POLDIP3: variants seen among roughly 807,000 people sequenced by gnomAD.
POLDIP3 encodes DNA polymerase delta interacting protein 3, also known as polymerase delta-interacting protein 3.
In POLDIP3, 14 loss-of-function variants were observed where a neutral mutation model predicts 45.1. That is an observed-to-expected ratio of 0.31 (90% confidence interval 0.20 to 0.49). POLDIP3 has a LOEUF of 0.49. Among genes scored for constraint, POLDIP3 ranks in the 20% least tolerant of loss-of-function variants. POLDIP3 has a pLI of 0.99. For synonymous variants in POLDIP3, 223 were observed against 205.2 expected, an observed-to-expected ratio of 1.09 and a Z score of -0.74; for missense variants, 511 against 538.8, an observed-to-expected ratio of 0.95 and a Z score of 0.51.
chr22:42,596,283 G>T lies in POLDIP3; in HGVS notation c.716C>A (p.Pro239His), dbSNP rs775266432. The T allele has an allele frequency of 2.5e-6, 4 of 1,614,142 alleles. No individual in the cohort carries two copies. The highest frequency in any genetic ancestry group is 1.3e-5 in the African/African-American group (1 of 75,042). ...KVVQNDAYTA[P>H]ALPSSIRTKA... is the part of the protein sequence containing the mutation. ...TGTTCGAATAGAGGAAGGGAGAGCA[G>T]GAGCTGTGTATGCATCATTCTGAAC... Residue 239 changes from proline to histidine, a missense_variant, in exon 5 of 9, where the codon CCT becomes CAT. Physicochemically the swap from Pro to His is moderately conservative, Grantham distance 77. Coordinates refer to ENST00000252115, the MANE Select transcript of POLDIP3 (RefSeq NM_032311.5).
rs779086008 is a variant in POLDIP3, at chr22:42,614,852, C to T, written c.6G>A (p.Ala2=). The T allele has an allele frequency of 6.2e-7, 1 of 1,613,990 alleles. No individual in the cohort carries two copies. The highest frequency in any genetic ancestry group is 8.5e-7 in the Non-Finnish European group (1 of 1,179,958). The change falls in exon 1 of 9, where the codon GCG becomes GCA. Residue 2 remains alanine (A), a synonymous_variant. Coordinates refer to ENST00000252115, the MANE Select transcript of POLDIP3 (RefSeq NM_032311.5). M[A]DISLDELIRK... ...TGATGAGTTCGTCCAGGGAGATGTC[C>T]GCCATCTTGCTCCGCCGAGCAAGCC...
chr22:42,594,833 A>G (rs911968584), intron 6 of POLDIP3, among the ~76,000 whole-genome samples: 1 of 152,188 alleles, frequency 6.6e-6, no homozygotes, highest in African/African-American at 2.4e-5. Context: ...TCACTTTGGA[A>G]TCATCTTGTA....
At chr22:42,610,957 G>T (rs146104399) in intron 1 of POLDIP3, among the ~76,000 whole-genome samples, 1 of 152,250 alleles carries the variant, frequency 6.6e-6, no homozygotes, top group East Asian at 1.9e-4. Context: ...ACTGCAACTG[G>T]TACCTAATGC....
intron 1 of POLDIP3, 126 bp downstream of exon 1, chr22:42,614,673 G>A (rs1245873712): frequency 1.0e-5 from 11 of 1,055,044 alleles, no homozygotes; most frequent in African/African-American, 1.7e-5. Context: ...GGCCAATGAG[G>A]AGCGCGGCTG....
intron 7 of POLDIP3, among the ~76,000 whole-genome samples, chr22:42,591,091 AT>A (rs1163544713): frequency 6.6e-5 from 10 of 150,672 alleles, no homozygotes; most frequent in South Asian, 2.1e-4. Flanking sequence ...AAATAAAAAA[AT>A]AATAAAAAAT....
At chr22:42,598,588 G>C (rs1375593335) in intron 4 of POLDIP3, among the ~76,000 whole-genome samples, 1 of 152,026 alleles carries the variant, frequency 6.6e-6, no homozygotes, top group Admixed American at 6.6e-5. Flanking sequence ...GTTTCACCGT[G>C]CTAGCCAGGA....
At chr22:42,595,114 G>T (rs751330820) in intron 6 of POLDIP3, among the ~76,000 whole-genome samples, 1 of 152,196 alleles carries the variant, frequency 6.6e-6, no homozygotes, top group Non-Finnish European at 1.5e-5. Flanking sequence ...ACTGTGCCTG[G>T]ACTGTGCAAA....
At chr22:42,594,327 A>G (rs1419667026) in intron 6 of POLDIP3, among the ~76,000 whole-genome samples, 1 of 152,026 alleles carries the variant, frequency 6.6e-6, no homozygotes, top group Non-Finnish European at 1.5e-5. Flanking sequence ...CCTGGCCAAC[A>G]TGGTGAAACC....
chr22:42,596,090 C>T, intron 5 of POLDIP3, 96 bp downstream of exon 5: 2 of 1,357,106 alleles, frequency 1.5e-6, no homozygotes, highest in Middle Eastern at 2.7e-4. Flanking sequence ...GGTGGCAATG[C>T]CCACCTCACA....
intron 2 of POLDIP3, among the ~76,000 whole-genome samples, chr22:42,602,481 A>G (rs1926453995): frequency 6.6e-6 from 1 of 152,154 alleles, no homozygotes; most frequent in African/African-American, 2.4e-5. Context: ...TGTGCTCAAT[A>G]AATCTTTTGT....
intron 1 of POLDIP3, among the ~76,000 whole-genome samples, chr22:42,608,110 G>A (rs368922438): frequency 9.2e-5 from 14 of 152,364 alleles, no homozygotes; most frequent in East Asian, 1.9e-4. Context: ...CGGTTTTGTC[G>A]AATAGAAAAG....
At chr22:42,589,727 C>T (rs1925550693) in intron 7 of POLDIP3, among the ~76,000 whole-genome samples, 1 of 151,682 alleles carries the variant, frequency 6.6e-6, no homozygotes, top group Non-Finnish European at 1.5e-5. Context: ...ACCTGTAATC[C>T]CAGCTACTTG....
intron 2 of POLDIP3, 189 bp from the exon 3 acceptor site, chr22:42,602,245 CGCACATGTAG>C (rs1926438295): frequency 1.1e-6 from 1 of 925,508 alleles, no homozygotes; most frequent in Admixed American, 2.8e-5. Context: ...ATGCCGGTAA[CGCACATGTAG>C]GGCTTAATGG....
At chr22:42,601,677 C>T (rs1926385242) in intron 3 of POLDIP3, among the ~76,000 whole-genome samples, 1 of 152,228 alleles carries the variant, frequency 6.6e-6, no homozygotes, top group Non-Finnish European at 1.5e-5. Flanking sequence ...AGGAGAATCA[C>T]TTGAACCCGG....
intron 3 of POLDIP3, among the ~76,000 whole-genome samples, chr22:42,601,686 G>A (rs916009380): frequency 4.6e-5 from 7 of 152,150 alleles, no homozygotes; most frequent in Admixed American, 2.6e-4. Flanking sequence ...ACTTGAACCC[G>A]GGAGGCAGAG....
At chr22:42,589,401 TTGAC>T (rs1307870745) in intron 7 of POLDIP3, among the ~76,000 whole-genome samples, 3 of 152,186 alleles carry the variant, frequency 2.0e-5, no homozygotes, top group African/African-American at 4.8e-5. Context: ...AGATTTAAAT[TTGAC>T]TGAAGGGTCA....
At chr22:42,612,541 C>T (rs1380980205) in intron 1 of POLDIP3, among the ~76,000 whole-genome samples, 1 of 152,196 alleles carries the variant, frequency 6.6e-6, no homozygotes, top group Non-Finnish European at 1.5e-5. Flanking sequence ...TTAAAACATA[C>T]CTTCTGGCCC....
At chr22:42,586,951 A>G (rs1244450010) in intron 8 of POLDIP3, among the ~76,000 whole-genome samples, 1 of 152,134 alleles carries the variant, frequency 6.6e-6, no homozygotes, top group East Asian at 1.9e-4. Flanking sequence ...TGTACTTAAA[A>G]GCCAAATCCA....
At chr22:42,612,122 A>G (rs1404089765) in intron 1 of POLDIP3, among the ~76,000 whole-genome samples, 1 of 152,168 alleles carries the variant, frequency 6.6e-6, no homozygotes, top group Admixed American at 6.5e-5. Context: ...TCCCCATACA[A>G]TGGCAAAGAA....
Sources: gnomAD v4.1 joint callset for allele counts (sites outside exome capture counted in the v4.1 genomes callset) on GRCh38, gnomAD v4.1.1 for gene constraint, MANE v1.5 for transcripts, NCBI Gene and HGNC (gene_info 2026-07-23, HGNC 2026-07-21) for gene names.